CREB5: variants seen among roughly 807,000 people sequenced by gnomAD.
CREB5 encodes cAMP responsive element binding protein 5.
A neutral mutation model predicts 57.1 loss-of-function variants in CREB5; 19 were observed. The observed-to-expected ratio is 0.33, with a 90% CI of 0.23 to 0.49. The LOEUF is 0.49. Among genes scored for constraint, CREB5 ranks in the 20% least tolerant of loss-of-function variants. The pLI is 0.99. For missense variants in CREB5, 579 were observed against 671.6 expected (o/e 0.86, Z 1.52); for synonymous variants, 238 against 238.3 (o/e 1.00, Z 0.01).
intron 1 of CREB5, among the ~76,000 whole-genome samples, chr7:28,346,173 G>A (rs1786054549): frequency 6.6e-6 from 1 of 152,158 alleles, no homozygotes; most frequent in Non-Finnish European, 1.5e-5. Context: ...AATTGGCTAA[G>A]ACACCATCTG....
intron 5 of CREB5, among the ~76,000 whole-genome samples, chr7:28,584,926 G>T (rs1392277939): frequency 1.3e-5 from 2 of 152,114 alleles, no homozygotes; most frequent in African/African-American, 4.8e-5. Flanking sequence ...GGACCTGTTT[G>T]GTGAGATGCC....
At chr7:28,640,738 T>C (rs1358602948) in intron 5 of CREB5, among the ~76,000 whole-genome samples, 1 of 152,166 alleles carries the variant, frequency 6.6e-6, no homozygotes, top group Non-Finnish European at 1.5e-5. Context: ...CCTGCAAATG[T>C]ACGATGCTCA....
chr7:28,756,487 C>T (rs1286377909), intron 7 of CREB5, among the ~76,000 whole-genome samples: 1 of 150,094 alleles, frequency 6.7e-6, no homozygotes, highest in Non-Finnish European at 1.5e-5. Flanking sequence ...ACCTGGGAGG[C>T]GGAGGTTGCA....
At chr7:28,462,518 G>T (rs927755270) in intron 1 of CREB5, among the ~76,000 whole-genome samples, 1 of 152,108 alleles carries the variant, frequency 6.6e-6, no homozygotes, top group Non-Finnish European at 1.5e-5. Flanking sequence ...TCAAGTGGCT[G>T]CCCCGTTTTA....
intron 4 of CREB5, among the ~76,000 whole-genome samples, chr7:28,523,660 C>T (rs1427827548): frequency 2.0e-5 from 3 of 152,198 alleles, no homozygotes; most frequent in African/African-American, 7.2e-5. Flanking sequence ...ATAAGCCATC[C>T]TCCCTGAAAC....
chr7:28,603,979 A>G (rs1165753918), intron 5 of CREB5, among the ~76,000 whole-genome samples: 1 of 152,196 alleles, frequency 6.6e-6, no homozygotes, highest in Admixed American at 6.5e-5. Context: ...TATAGTATTT[A>G]GCAGGATGGG....
At chr7:28,389,850 T>C (rs1787181036) in intron 1 of CREB5, among the ~76,000 whole-genome samples, 1 of 152,080 alleles carries the variant, frequency 6.6e-6, no homozygotes, top group Non-Finnish European at 1.5e-5. Flanking sequence ...GAACAATTCC[T>C]CTTCTGGTCT....
At chr7:28,329,936 G>A (rs1044357578) in intron 1 of CREB5, among the ~76,000 whole-genome samples, 3 of 152,228 alleles carry the variant, frequency 2.0e-5, no homozygotes, top group African/African-American at 7.2e-5. Context: ...TGATGGGTTT[G>A]TGGAGCTGTT....
At chr7:28,750,922 G>A (rs1804941730) in intron 7 of CREB5, among the ~76,000 whole-genome samples, 1 of 152,070 alleles carries the variant, frequency 6.6e-6, no homozygotes, top group Non-Finnish European at 1.5e-5. Flanking sequence ...CTAAACATAG[G>A]CCTAATTACC....
intron 6 of CREB5, among the ~76,000 whole-genome samples, chr7:28,720,618 C>G (rs1015260691): frequency 4.6e-5 from 7 of 152,110 alleles, no homozygotes; most frequent in African/African-American, 1.7e-4. Flanking sequence ...ACTGAGTAGT[C>G]CAGATTAGAA....
At chr7:28,376,035 G>A (rs1339924881) in intron 1 of CREB5, among the ~76,000 whole-genome samples, 1 of 152,160 alleles carries the variant, frequency 6.6e-6, no homozygotes, top group African/African-American at 2.4e-5. Flanking sequence ...CTCCCACCAT[G>A]CCCCTTCCAG....
In CREB5 at chr7:28,358,650, C is replaced by T. The variant is rs138229393; in HGVS notation, c.-25+59209C>T. Reference sequence around the variant, plus strand: ...TTCCCCAGCATCTGCAGCCGTCCTGCCTGGGGCCATGAGCTCATCTGATCT... The same window carrying T: ...TTCCCCAGCATCTGCAGCCGTCCTGTCTGGGGCCATGAGCTCATCTGATCT... On this transcript the variant is annotated intron_variant, in intron 1 of 9. Coordinates refer to the CREB5 transcript ENST00000396299. Among the ~76,000 whole-genome samples the T allele has an allele frequency of 5.1e-3, 776 of 152,328 alleles. 6 individuals are homozygous for T. The highest frequency in any genetic ancestry group is 0.017 in the African/African-American group (726 of 41,552).
At chr7:28,568,463 G>T (rs1191640091) in intron 4 of CREB5, among the ~76,000 whole-genome samples, 1 of 152,098 alleles carries the variant, frequency 6.6e-6, no homozygotes, top group African/African-American at 2.4e-5. Context: ...TCAAGGTTCA[G>T]TTTCAAAAGA....
intron 5 of CREB5, among the ~76,000 whole-genome samples, chr7:28,672,187 A>AC (rs58351349): frequency 0.17 from 23,473 of 140,706 alleles, 2,373 homozygotes; most frequent in East Asian, 0.47. Context: ...AAAAAAAAAA[A>AC]AACACACACA....
At chr7:28,814,281 A>G (rs1809293981) in intron 9 of CREB5, among the ~76,000 whole-genome samples, 1 of 152,262 alleles carries the variant, frequency 6.6e-6, no homozygotes, top group Non-Finnish European at 1.5e-5. Context: ...TAAGATGATT[A>G]TGCATGTGCA....
intron 5 of CREB5, among the ~76,000 whole-genome samples, chr7:28,589,584 G>A (rs781497658): frequency 6.6e-6 from 1 of 152,082 alleles, no homozygotes; most frequent in Non-Finnish European, 1.5e-5. Context: ...AAAGAAAACA[G>A]AGTTGATATT....
chr7:28,494,129 G>A (rs1791918501), intron 2 of CREB5, among the ~76,000 whole-genome samples: 1 of 152,102 alleles, frequency 6.6e-6, no homozygotes, highest in Admixed American at 6.5e-5. Context: ...TTACACTGTT[G>A]TGTAAAACAT....
At chr7:28,313,917 C>A (rs980693042) in intron 1 of CREB5, among the ~76,000 whole-genome samples, 2 of 152,038 alleles carry the variant, frequency 1.3e-5, no homozygotes, top group Non-Finnish European at 1.5e-5. Context: ...TTGGGAGCTG[C>A]AAAAATATAT....
chr7:28,649,894 T>A (rs867624616), intron 5 of CREB5, among the ~76,000 whole-genome samples: 1 of 152,216 alleles, frequency 6.6e-6, no homozygotes, highest in Non-Finnish European at 1.5e-5. Flanking sequence ...AAATAGTCAG[T>A]TGATTACTAG....
Sources: allele counts gnomAD v4.1 joint callset (sites outside exome capture counted in the v4.1 genomes callset), GRCh38; gene constraint gnomAD v4.1.1; transcripts MANE v1.5; gene names NCBI Gene and HGNC (gene_info 2026-07-23, HGNC 2026-07-21).